The following TMPRSS15 variants were observed in gnomAD, a reference collection of about 807,000 sequenced individuals.
TMPRSS15 encodes transmembrane serine protease 15, also known as enteropeptidase.
TMPRSS15 carries 128 observed loss-of-function variants against 125.3 expected under a neutral mutation model. That is an observed-to-expected ratio of 1.02 (90% CI 0.89 to 1.18). The LOEUF is 1.18. Ranked by LOEUF, TMPRSS15 falls within the 50% of genes most tolerant of loss-of-function variation. The pLI, the probability that TMPRSS15 is intolerant of heterozygous loss-of-function variation, is 0.00. For missense variants in TMPRSS15, 1,283 were observed against 1,212.7 expected (o/e 1.06, Z -0.86); for synonymous variants, 446 against 423.2 (o/e 1.05, Z -0.66).
intron 1 of TMPRSS15, chr21:18,460,424 T>C (rs1052976238): frequency 1.3e-5 from 2 of 152,202 alleles, no homozygotes; most frequent in Non-Finnish European, 2.9e-5. Flanking sequence ...GTTCATTGAA[T>C]AAACTCCTAT....
chr21:18,434,174 T>A (rs974840403), intron 1 of TMPRSS15, among the ~76,000 whole-genome samples: 10 of 152,318 alleles, frequency 6.6e-5, no homozygotes, highest in African/African-American at 2.4e-4. Flanking sequence ...TACATCCAGC[T>A]ACTTCAATAA....
rs377265908 is a variant in TMPRSS15, at chr21:18,281,205, A to T, written c.2503T>A (p.Ser835Thr). The change falls in exon 22 of 25, where the codon TCC (serine) becomes ACC (threonine). Residue 835 changes from serine (S) to threonine (T), a missense_variant. Ser to Thr is a moderately conservative substitution (Grantham distance 58, BLOSUM62 1). Transcript: ENST00000284885. Reference protein sequence around the residue: ...HCVYGRNLEPSKWTAILGLHM... With the variant: ...HCVYGRNLEPTKWTAILGLHM... ...AGGCCTAGGATTGCTGTCCACTTGG[A>T]TGGCTCTAAGTTTCTCCTGAAAATT... is the stretch of plus-strand genomic sequence containing the variant. 1 of 1,614,034 alleles carries T rather than the reference A, an allele frequency of 6.2e-7. No homozygotes were observed. Among genetic ancestry groups the T allele is most frequent in the Non-Finnish European group, 8.5e-7 (1 of 1,179,994 alleles).
At chr21:18,318,724 G>A (rs766870072) in intron 16 of TMPRSS15, among the ~76,000 whole-genome samples, 2 of 152,022 alleles carry the variant, frequency 1.3e-5, no homozygotes, top group African/African-American at 4.8e-5. Context: ...ATTCAGAGCC[G>A]AAAAAGGAGA....
intron 10 of TMPRSS15, among the ~76,000 whole-genome samples, chr21:18,351,508 T>C (rs2075568608): frequency 6.6e-6 from 1 of 152,100 alleles, no homozygotes; most frequent in South Asian, 2.1e-4. Flanking sequence ...AATGGTGAGT[T>C]CCCACAAGAT....
chr21:18,269,796 T>A lies in TMPRSS15; in HGVS notation c.*173A>T. ...AGTTATTCTGTATTGCTATGGTGAA[T>A]TTTATTATTTTTAAAATTTTGTTTC... On this transcript the variant is annotated 3_prime_UTR_variant, in exon 25 of 25. Coordinates refer to ENST00000284885, the MANE Select transcript of TMPRSS15 (RefSeq NM_002772.3). 1.5e-6 allele frequency: 1 copy of A among 665,270 alleles called. No homozygotes were observed. The highest frequency in any genetic ancestry group is 2.9e-5 in the Admixed American group (1 of 34,542). The allele number at this position is 665,270 out of a possible 1,614,324, so 41.2% of individuals were successfully genotyped here. A position where few individuals can be genotyped will look rare whatever the true frequency, so the allele number is the denominator to read the frequency against.
intron 21 of TMPRSS15, among the ~76,000 whole-genome samples, chr21:18,281,913 C>A (rs1000922367): frequency 6.6e-6 from 1 of 151,710 alleles, no homozygotes; most frequent in Non-Finnish European, 1.5e-5. Flanking sequence ...TTGGTTAACA[C>A]GGTGAAACCC....
At chr21:18,276,246 T>C (rs1393597046) in intron 23 of TMPRSS15, among the ~76,000 whole-genome samples, 1 of 152,220 alleles carries the variant, frequency 6.6e-6, no homozygotes, top group African/African-American at 2.4e-5. Context: ...AACAGATATA[T>C]ATGACTCAGT....
At chr21:18,365,097 C>A in intron 7 of TMPRSS15, 43 bp downstream of exon 7, 1 of 1,529,808 alleles carries the variant, frequency 6.5e-7, no homozygotes, top group South Asian at 1.1e-5. Context: ...ATCAGAAAAA[C>A]GCTTTATGAC....
chr21:18,411,577 C>T (rs2076166159), intron 1 of TMPRSS15, among the ~76,000 whole-genome samples: 1 of 152,118 alleles, frequency 6.6e-6, no homozygotes, highest in Admixed American at 6.5e-5. Flanking sequence ...AAGATCTTCT[C>T]CTTCATATCT....
chr21:18,343,318 T>C (rs182107652), intron 12 of TMPRSS15, among the ~76,000 whole-genome samples, 188 bp downstream of exon 12: 3 of 152,284 alleles, frequency 2.0e-5, no homozygotes, highest in African/African-American at 7.2e-5. Flanking sequence ...TCAATGATGG[T>C]TTTTAATAGG....
At chr21:18,287,820 A>C (rs2074784116) in intron 21 of TMPRSS15, among the ~76,000 whole-genome samples, 3 of 152,226 alleles carry the variant, frequency 2.0e-5, no homozygotes, top group African/African-American at 7.2e-5. Context: ...TTTTAGGAAG[A>C]TGACTAGCAC....
chr21:18,481,602 A>T (rs1293598559), intron 1 of TMPRSS15, among the ~76,000 whole-genome samples: 2 of 151,802 alleles, frequency 1.3e-5, no homozygotes, highest in East Asian at 3.9e-4. Context: ...TAGAAAATAA[A>T]TATTTTTATC....
intron 1 of TMPRSS15, among the ~76,000 whole-genome samples, chr21:18,435,297 T>C (rs1411338330): frequency 2.0e-5 from 3 of 152,212 alleles, no homozygotes; most frequent in African/African-American, 4.8e-5. Flanking sequence ...TATTTTGAGA[T>C]ACGTCCCATC....
chr21:18,442,645 A>G (rs2123236569), intron 1 of TMPRSS15, among the ~76,000 whole-genome samples: 1 of 152,322 alleles, frequency 6.6e-6, no homozygotes, highest in South Asian at 2.1e-4. Flanking sequence ...AGTTTGGGAC[A>G]GTTTATCTGG....
At chr21:18,275,082 TA>T in intron 24 of TMPRSS15, 114 bp downstream of exon 24, 2 of 1,405,600 alleles carry the variant, frequency 1.4e-6, no homozygotes, top group Non-Finnish European at 2.0e-6. Context: ...AACAGTTTTG[TA>T]AAAGAGAAAT....
intron 1 of TMPRSS15, among the ~76,000 whole-genome samples, chr21:18,445,363 T>C (rs544814492): frequency 4.6e-5 from 7 of 152,166 alleles, no homozygotes; most frequent in Admixed American, 4.6e-4. Flanking sequence ...GTATTTTTAA[T>C]AGAGATGGGG....
intron 16 of TMPRSS15, among the ~76,000 whole-genome samples, chr21:18,323,364 T>A (rs9305861): frequency 0.018 from 2,740 of 152,212 alleles, 81 homozygotes; most frequent in African/African-American, 0.06. Flanking sequence ...GAAAGGCACA[T>A]CTTACATGGC....
At chr21:18,451,882 AGACATGCAT>A (rs916438094) in intron 1 of TMPRSS15, among the ~76,000 whole-genome samples, 13 of 124,082 alleles carry the variant, frequency 1.0e-4, no homozygotes, top group Admixed American at 9.7e-4. Context: ...GGCATGCATA[AGACATGCAT>A]GACATGCATG....
At chr21:18,423,836 G>T (rs949501423) in intron 1 of TMPRSS15, among the ~76,000 whole-genome samples, 1 of 152,092 alleles carries the variant, frequency 6.6e-6, no homozygotes, top group African/African-American at 2.4e-5. Flanking sequence ...AATATTCCCT[G>T]ATATTAACAG....
Sources: allele counts gnomAD v4.1 joint callset (sites outside exome capture counted in the v4.1 genomes callset), GRCh38; gene constraint gnomAD v4.1.1; transcripts MANE v1.5; gene names NCBI Gene and HGNC (gene_info 2026-07-23, HGNC 2026-07-21).